Variants in LCLAT1 observed in about 807,000 individuals in gnomAD.
LCLAT1 encodes the protein lysocardiolipin acyltransferase 1.
Under a neutral mutation model 30.7 loss-of-function variants are expected in LCLAT1, and 11 were observed. That is an observed-to-expected ratio of 0.36 (90% CI 0.23 to 0.59). The LOEUF (loss-of-function observed/expected upper bound fraction) is 0.59. Ranked by LOEUF, LCLAT1 falls within the 20% of genes least tolerant of loss-of-function variation. The probability of loss-of-function intolerance (pLI) is 0.77; values close to 1 mark genes in which losing one functional copy is unlikely to be tolerated. For synonymous variants in LCLAT1, 155 were observed against 151.3 expected (o/e 1.02, Z -0.18); for missense variants, 402 against 458.6 (o/e 0.88, Z 1.13).
At chr2:30,501,657 A>T (rs1313867940) in intron 1 of LCLAT1, among the ~76,000 whole-genome samples, 1 of 152,174 alleles carries the variant, frequency 6.6e-6, no homozygotes, top group Non-Finnish European at 1.5e-5. Flanking sequence ...CCTGGGTGAC[A>T]GAGTGAGACT....
In LCLAT1 at chr2:30,533,332, TATTTTAAGTGGTTCATTC is replaced by T. The variant is rs1296544528; in HGVS notation, c.364+25_364+42del. 1 of 1,599,086 alleles carries T rather than the reference TATTTTAAGTGGTTCATTC, an allele frequency of 6.3e-7. No individual in the cohort carries two copies. Among genetic ancestry groups the T allele is most frequent in the African/African-American group, 1.3e-5 (1 of 74,592 alleles). ...TGGATTTGGTAGGTTATTCACACAT[TATTTTAAGTGGTTCATTC>T]ATTTTAGATGTAATGCACCCACTGT... On this transcript the variant is annotated intron_variant, in intron 3 of 5. Transcript: ENST00000379509.
intron 4 of LCLAT1, among the ~76,000 whole-genome samples, chr2:30,563,372 T>G (rs1665330225): frequency 6.6e-6 from 1 of 152,158 alleles, no homozygotes. Context: ...GATAATAAGA[T>G]GGATAAAAGC....
intron 5 of LCLAT1, among the ~76,000 whole-genome samples, chr2:30,576,315 A>T (rs143842606): frequency 5.9e-5 from 9 of 152,248 alleles, no homozygotes; most frequent in African/African-American, 2.2e-4. Context: ...TGTTACATAC[A>T]TTGAAATATT....
rs567675883 is a variant in LCLAT1, at chr2:30,512,098, G to T, written c.-4-13489G>T. 2.3e-3 allele frequency among the ~76,000 whole-genome samples: 356 copies of T among 152,232 alleles called. 2 individuals are homozygous for T. Among genetic ancestry groups the T allele is most frequent in the African/African-American group, 8.2e-3 (339 of 41,524 alleles). ...TTTTGGTTATTCTTTGTAGGTGTGG[G>T]ATTTTTAGTGTGTTTTTTGAGAGAG... On this transcript the variant is annotated intron_variant, in intron 1 of 5. Coordinates refer to ENST00000379509, the MANE Select transcript of LCLAT1 (RefSeq NM_001002257.3).
At chr2:30,626,023 C>T (rs1250072808) in intron 5 of LCLAT1, among the ~76,000 whole-genome samples, 1 of 152,222 alleles carries the variant, frequency 6.6e-6, no homozygotes, top group Non-Finnish European at 1.5e-5. Context: ...CTGTGACTGG[C>T]ACCGTGAGTG....
chr2:30,595,722 G>C (rs1440559160), intron 5 of LCLAT1, among the ~76,000 whole-genome samples: 4 of 152,104 alleles, frequency 2.6e-5, no homozygotes, highest in Non-Finnish European at 5.9e-5. Flanking sequence ...GTGGTTTGCT[G>C]CACCTATCAA....
chr2:30,492,773 A>G (rs1683897935), intron 1 of LCLAT1, among the ~76,000 whole-genome samples: 1 of 152,204 alleles, frequency 6.6e-6, no homozygotes, highest in Admixed American at 6.5e-5. Context: ...GCTTGTTAGC[A>G]TAATCTCAGA....
chr2:30,502,106 T>G (rs1357686033), intron 1 of LCLAT1, among the ~76,000 whole-genome samples: 1 of 152,218 alleles, frequency 6.6e-6, no homozygotes, highest in Non-Finnish European at 1.5e-5. Flanking sequence ...AAAAAACCAG[T>G]CTCACTATGC....
At chr2:30,555,974 G>A (rs1040051932) in intron 3 of LCLAT1, among the ~76,000 whole-genome samples, 29 of 151,668 alleles carry the variant, frequency 1.9e-4, no homozygotes, top group African/African-American at 6.8e-4. Context: ...AATAGCTGGG[G>A]CAATAGAGAC....
intron 1 of LCLAT1, among the ~76,000 whole-genome samples, chr2:30,448,783 A>T (rs1357535994): frequency 2.0e-5 from 3 of 152,192 alleles, no homozygotes; most frequent in Non-Finnish European, 4.4e-5. Context: ...TTATGGGTGG[A>T]TTCTAGTCCA....
chr2:30,540,907 C>G (rs1482237812), intron 3 of LCLAT1, among the ~76,000 whole-genome samples: 1 of 152,110 alleles, frequency 6.6e-6, no homozygotes, highest in African/African-American at 2.4e-5. Flanking sequence ...TCATGATTCG[C>G]CTGCCTTAGC....
At chr2:30,502,433 CTG>C (rs1684446136) in intron 1 of LCLAT1, among the ~76,000 whole-genome samples, 1 of 152,158 alleles carries the variant, frequency 6.6e-6, no homozygotes, top group African/African-American at 2.4e-5. Flanking sequence ...TGTTTTTAGA[CTG>C]TTCACAGAGC....
chr2:30,574,389 A>G (rs562580989), intron 5 of LCLAT1, among the ~76,000 whole-genome samples: 3 of 152,272 alleles, frequency 2.0e-5, no homozygotes, highest in African/African-American at 7.2e-5. Context: ...TGATTAGAAG[A>G]AGCATTTTTG....
intron 5 of LCLAT1, among the ~76,000 whole-genome samples, chr2:30,628,574 A>C (rs1668620679): frequency 6.6e-6 from 1 of 152,192 alleles, no homozygotes; most frequent in Admixed American, 6.5e-5. Context: ...GAATACTCAC[A>C]GATCAGTGGA....
chr2:30,602,171 A>G (rs1667223343), intron 5 of LCLAT1, among the ~76,000 whole-genome samples: 1 of 152,150 alleles, frequency 6.6e-6, no homozygotes, highest in Non-Finnish European at 1.5e-5. Flanking sequence ...TTTCATTGGC[A>G]AATAATGGGG....
At chr2:30,530,592 C>T (rs1165391911) in intron 2 of LCLAT1, among the ~76,000 whole-genome samples, 5 of 152,312 alleles carry the variant, frequency 3.3e-5, no homozygotes, top group African/African-American at 1.2e-4. Flanking sequence ...TCTTGCCCAG[C>T]TGGAGTGTAG....
chr2:30,623,827 A>G (rs1360916834), intron 5 of LCLAT1, among the ~76,000 whole-genome samples: 2 of 152,238 alleles, frequency 1.3e-5, no homozygotes, highest in Admixed American at 6.5e-5. Flanking sequence ...ATCTGAAGTC[A>G]AGATGAAAGA....
At chr2:30,601,678 T>TAG (rs757880483) in intron 5 of LCLAT1, among the ~76,000 whole-genome samples, 128,487 of 150,892 alleles carry the variant, frequency 0.85, 54,626 homozygotes, top group East Asian at 0.94. Context: ...AGATGCACTT[T>TAG]AAAACAATAT....
intron 1 of LCLAT1, among the ~76,000 whole-genome samples, chr2:30,509,449 A>G (rs1478304166): frequency 6.6e-6 from 1 of 152,222 alleles, no homozygotes; most frequent in Non-Finnish European, 1.5e-5. Context: ...TTAAAAGCCC[A>G]GTTATTGAGA....
Sources: gnomAD v4.1 joint callset for allele counts (sites outside exome capture counted in the v4.1 genomes callset) on GRCh38, gnomAD v4.1.1 for gene constraint, MANE v1.5 for transcripts, NCBI Gene and HGNC (gene_info 2026-07-23, HGNC 2026-07-21) for gene names.